ATP8A2: variants seen among roughly 807,000 people sequenced by gnomAD.
The protein encoded by ATP8A2 is ATPase phospholipid transporting 8A2, also known as phospholipid-transporting ATPase IB.
ATP8A2 carries 100 observed loss-of-function variants against 165.6 expected under a neutral mutation model. The observed-to-expected ratio is 0.60, with a 90% confidence interval of 0.51 to 0.71. ATP8A2 has a LOEUF of 0.71. Ranked by LOEUF, ATP8A2 falls within the 30% of genes least tolerant of loss-of-function variation. ATP8A2 has a pLI of 0.00. For missense variants in ATP8A2, 1,227 were observed against 1,479.5 expected (o/e 0.83, Z 2.80); for synonymous variants, 543 against 548.8 (o/e 0.99, Z 0.15).
At chr13:25,959,857 C>T (rs1955617211) in intron 33 of ATP8A2, among the ~76,000 whole-genome samples, 1 of 152,178 alleles carries the variant, frequency 6.6e-6, no homozygotes, top group South Asian at 2.1e-4. Context: ...TGCATGTTTT[C>T]TTCCTTCCTT....
chr13:25,435,881 T>C (rs1310992599), intron 1 of ATP8A2, among the ~76,000 whole-genome samples: 1 of 151,882 alleles, frequency 6.6e-6, no homozygotes, highest in Non-Finnish European at 1.5e-5. Flanking sequence ...AATGATCTTA[T>C]GAAAAATGTC....
chr13:25,525,130 CAACTT>C (rs1187048001), intron 2 of ATP8A2, among the ~76,000 whole-genome samples: 5 of 151,930 alleles, frequency 3.3e-5, no homozygotes, highest in African/African-American at 1.2e-4. Flanking sequence ...AAAGAGATGA[CAACTT>C]AACTTAGATC....
At chr13:25,435,564 T>A (rs2034735220) in intron 1 of ATP8A2, among the ~76,000 whole-genome samples, 1 of 152,236 alleles carries the variant, frequency 6.6e-6, no homozygotes, top group Non-Finnish European at 1.5e-5. Context: ...CGCAAGGTAG[T>A]ACTTCTCAGG....
At chr13:25,481,559 T>C (rs955174503) in intron 2 of ATP8A2, among the ~76,000 whole-genome samples, 1 of 152,162 alleles carries the variant, frequency 6.6e-6, no homozygotes, top group Non-Finnish European at 1.5e-5. Context: ...GAAATTGAAA[T>C]GTGTAGTAGT....
chr13:25,616,754 T>G (rs2137431672), intron 24 of ATP8A2, among the ~76,000 whole-genome samples: 1 of 152,274 alleles, frequency 6.6e-6, no homozygotes, highest in African/African-American at 2.4e-5. Flanking sequence ...CAACATTCAT[T>G]TTCTTTTTCT....
intron 1 of ATP8A2, among the ~76,000 whole-genome samples, chr13:25,448,219 C>G (rs2035121224): frequency 1.3e-5 from 2 of 152,298 alleles, no homozygotes; most frequent in African/African-American, 4.8e-5. Context: ...GCTCTTCTAG[C>G]TATTTTGAAA....
At position 25,494,625 on chromosome 13, in the gene ATP8A2, G is replaced by A. The variant is rs115228057; in HGVS notation, c.221+25504G>A. ...ATCTGCATCTATATTTTAGAAGCGCGTTGCTGTTGTTCTGATATTCACAGG... is the reference window on the plus strand; with the variant it reads ...ATCTGCATCTATATTTTAGAAGCGCATTGCTGTTGTTCTGATATTCACAGG... On this transcript the variant is annotated intron_variant, in intron 2 of 36. Coordinates refer to ENST00000381655, the MANE Select transcript of ATP8A2 (RefSeq NM_016529.6). Among the ~76,000 whole-genome samples, 246 of 152,290 alleles carry A rather than the reference G, an allele frequency of 1.6e-3. 1 individual carries two copies. Among genetic ancestry groups the A allele is most frequent in the African/African-American group, 4.6e-3 (190 of 41,562 alleles).
chr13:25,761,609 C>A (rs1254795040), intron 25 of ATP8A2, among the ~76,000 whole-genome samples: 1 of 150,116 alleles, frequency 6.7e-6, no homozygotes, highest in Non-Finnish European at 1.5e-5. Context: ...GAGATCCTGT[C>A]TCAAAAAAAG....
intron 25 of ATP8A2, among the ~76,000 whole-genome samples, chr13:25,713,890 A>G (rs1436795916): frequency 2.6e-5 from 4 of 152,142 alleles, no homozygotes; most frequent in Non-Finnish European, 5.9e-5. Context: ...GGCCTGGGAG[A>G]AGAGCTGGCC....
chr13:25,621,651 G>A (rs1197925855), intron 24 of ATP8A2, among the ~76,000 whole-genome samples: 1 of 152,176 alleles, frequency 6.6e-6, no homozygotes, highest in South Asian at 2.1e-4. Flanking sequence ...CTGGAAAAAA[G>A]GTAGGATTCA....
At chr13:25,490,167 C>G (rs1431470878) in intron 2 of ATP8A2, among the ~76,000 whole-genome samples, 1 of 152,320 alleles carries the variant, frequency 6.6e-6, no homozygotes, top group East Asian at 1.9e-4. Context: ...TGGCTAAGTT[C>G]GTGGCCCCTT....
chr13:25,564,102 G>A (rs2039243334), intron 16 of ATP8A2, 71 bp downstream of exon 16: 1 of 1,134,848 alleles, frequency 8.8e-7, no homozygotes, highest in Non-Finnish European at 1.3e-6. Context: ...TATGCATGTA[G>A]TATTTTGCAA....
intron 25 of ATP8A2, among the ~76,000 whole-genome samples, chr13:25,721,447 C>T (rs2043379716): frequency 6.6e-6 from 1 of 152,214 alleles, no homozygotes; most frequent in African/African-American, 2.4e-5. Context: ...TGTCCTGAAG[C>T]ATTTCCCCAA....
chr13:25,730,592 G>C (rs925376588), intron 25 of ATP8A2, among the ~76,000 whole-genome samples: 3 of 152,142 alleles, frequency 2.0e-5, no homozygotes, highest in African/African-American at 7.2e-5. Flanking sequence ...ATTTCTCTTT[G>C]TGGTTGAGCT....
At chr13:25,664,034 C>T (rs933325467) in intron 24 of ATP8A2, among the ~76,000 whole-genome samples, 1 of 151,828 alleles carries the variant, frequency 6.6e-6, no homozygotes, top group Non-Finnish European at 1.5e-5. Flanking sequence ...CATGATGGAA[C>T]CCCGTCTCTA....
At chr13:25,424,893 G>A (rs1415490430) in intron 1 of ATP8A2, among the ~76,000 whole-genome samples, 1 of 152,176 alleles carries the variant, frequency 6.6e-6, no homozygotes, top group Non-Finnish European at 1.5e-5. Context: ...AGGAGGCAGA[G>A]GTTGTAGTGA....
intron 24 of ATP8A2, among the ~76,000 whole-genome samples, chr13:25,695,942 A>G (rs1384663822): frequency 6.6e-6 from 1 of 152,206 alleles, no homozygotes; most frequent in Non-Finnish European, 1.5e-5. Flanking sequence ...AAGGTTTTCA[A>G]TTTACTTTGC....
chr13:25,764,774 G>A (rs1472023798), intron 25 of ATP8A2, among the ~76,000 whole-genome samples: 1 of 152,198 alleles, frequency 6.6e-6, no homozygotes, highest in Non-Finnish European at 1.5e-5. Flanking sequence ...TTGTGAGTCT[G>A]GTTAATTAAT....
At chr13:25,790,444 C>T (rs2045138459) in intron 27 of ATP8A2, among the ~76,000 whole-genome samples, 1 of 151,768 alleles carries the variant, frequency 6.6e-6, no homozygotes, top group Non-Finnish European at 1.5e-5. Context: ...GTAATTCCAG[C>T]ACTTTGGGAG....
Sources: gnomAD v4.1 joint callset for allele counts (sites outside exome capture counted in the v4.1 genomes callset) on GRCh38, gnomAD v4.1.1 for gene constraint, MANE v1.5 for transcripts, NCBI Gene and HGNC (gene_info 2026-07-23, HGNC 2026-07-21) for gene names.